NRXN3: variants seen among roughly 807,000 people sequenced by gnomAD.
NRXN3 encodes neurexin 3, also known as neurexin III.
In NRXN3, 32 loss-of-function variants were observed where a neutral mutation model predicts 137.6. That is an observed-to-expected ratio of 0.23 (90% CI 0.18 to 0.31). The LOEUF is 0.31. Ranked by LOEUF, NRXN3 falls within the 10% of genes least tolerant of loss-of-function variation. The pLI, the probability that NRXN3 is intolerant of heterozygous loss-of-function variation, is 1.00. For missense variants in NRXN3, 1,574 were observed against 2,062.5 expected (o/e 0.76, Z 4.59); for synonymous variants, 798 against 784.5 (o/e 1.02, Z -0.29).
At chr14:78,332,073 G>C (rs1369831056) in intron 4 of NRXN3, among the ~76,000 whole-genome samples, 1 of 152,156 alleles carries the variant, frequency 6.6e-6, no homozygotes, top group Non-Finnish European at 1.5e-5. Context: ...CTTTGGGCAA[G>C]TCATTTAACC....
At chr14:79,122,313 C>T (rs2055588972) in intron 15 of NRXN3, among the ~76,000 whole-genome samples, 1 of 152,120 alleles carries the variant, frequency 6.6e-6, no homozygotes, top group Admixed American at 6.5e-5. Context: ...TCACTGCAGG[C>T]TGAGGGAAGC....
At chr14:78,982,062 C>A (rs1252792537) in intron 14 of NRXN3, among the ~76,000 whole-genome samples, 2 of 152,030 alleles carry the variant, frequency 1.3e-5, no homozygotes, top group Non-Finnish European at 2.9e-5. Context: ...AGTCTGAAAT[C>A]AAAGGACACA....
At chr14:79,019,298 G>T (rs920772260) in intron 15 of NRXN3, among the ~76,000 whole-genome samples, 9 of 152,146 alleles carry the variant, frequency 5.9e-5, no homozygotes, top group African/African-American at 9.7e-5. Context: ...TCCATTAAAG[G>T]CAACTGCTCT....
intron 6 of NRXN3, among the ~76,000 whole-genome samples, chr14:78,657,846 T>TA (rs59464530): frequency 7.9e-5 from 12 of 152,208 alleles, no homozygotes; most frequent in African/African-American, 2.4e-4. Flanking sequence ...TTTTCTTCTT[T>TA]AAAAAAAATA....
intron 16 of NRXN3, among the ~76,000 whole-genome samples, chr14:79,480,002 A>T (rs1164384640): frequency 6.6e-6 from 1 of 152,200 alleles, no homozygotes; most frequent in Non-Finnish European, 1.5e-5. Flanking sequence ...ACTCTTGATT[A>T]AAAACGCTAA....
intron 15 of NRXN3, among the ~76,000 whole-genome samples, chr14:79,090,201 C>T (rs1252837710): frequency 6.6e-6 from 1 of 152,088 alleles, no homozygotes; most frequent in African/African-American, 2.4e-5. Context: ...TGATAATACT[C>T]ATCCCCTTAT....
chr14:78,951,283 A>C (rs1011640551), intron 10 of NRXN3, among the ~76,000 whole-genome samples: 1 of 152,150 alleles, frequency 6.6e-6, no homozygotes. Flanking sequence ...AGCTTCCAGT[A>C]TGTGTTGAAG....
chr14:78,215,977 A>T (rs2063234679), intron 1 of NRXN3, among the ~76,000 whole-genome samples: 1 of 152,228 alleles, frequency 6.6e-6, no homozygotes, highest in African/African-American at 2.4e-5. Flanking sequence ...TAATGATAAC[A>T]TGGGGAATTT....
intron 14 of NRXN3, 116 bp from the exon 15 acceptor site, chr14:78,987,906 T>C: frequency 8.3e-7 from 1 of 1,208,322 alleles, no homozygotes; most frequent in Non-Finnish European, 1.1e-6. Flanking sequence ...GTGGTGTGTC[T>C]TCAAATGTTT....
At chr14:79,163,121 A>G (rs1334831007) in intron 15 of NRXN3, among the ~76,000 whole-genome samples, 1 of 151,942 alleles carries the variant, frequency 6.6e-6, no homozygotes, top group African/African-American at 2.4e-5. Flanking sequence ...AGAACCTGAT[A>G]AGTGGTGGAC....
intron 15 of NRXN3, among the ~76,000 whole-genome samples, chr14:79,335,205 T>C (rs2092151759): frequency 6.6e-6 from 1 of 152,060 alleles, no homozygotes; most frequent in African/African-American, 2.4e-5. Context: ...TATGTTACAG[T>C]ATAAAGATTT....
intron 4 of NRXN3, among the ~76,000 whole-genome samples, chr14:78,303,180 C>T (rs896344725): frequency 6.6e-6 from 1 of 152,198 alleles, no homozygotes; most frequent in Non-Finnish European, 1.5e-5. Context: ...TTCTGTTTCT[C>T]TACCTTTTAA....
At chr14:78,751,358 A>G (rs2098640993) in intron 8 of NRXN3, among the ~76,000 whole-genome samples, 2 of 152,178 alleles carry the variant, frequency 1.3e-5, no homozygotes, top group Admixed American at 1.3e-4. Context: ...ATTAATTACA[A>G]ATTGCCCCCC....
At chr14:78,489,004 G>T (rs74413149) in intron 4 of NRXN3, among the ~76,000 whole-genome samples, 14 of 152,156 alleles carry the variant, frequency 9.2e-5, no homozygotes, top group Non-Finnish European at 1.9e-4. Context: ...ACTCCCAGCT[G>T]CTTCTAAGAA....
intron 4 of NRXN3, among the ~76,000 whole-genome samples, chr14:78,424,490 G>C (rs539107029): frequency 6.6e-6 from 1 of 152,294 alleles, no homozygotes; most frequent in African/African-American, 2.4e-5. Flanking sequence ...TCCCACTGTG[G>C]CTTTTGATCA....
intron 15 of NRXN3, among the ~76,000 whole-genome samples, chr14:79,033,435 G>A (rs2099610977): frequency 6.6e-6 from 1 of 152,078 alleles, no homozygotes; most frequent in African/African-American, 2.4e-5. Context: ...CCAAATATCT[G>A]CATGTTAGAG....
At chr14:78,805,967 A>AT (rs766290619) in intron 9 of NRXN3, among the ~76,000 whole-genome samples, 4 of 151,792 alleles carry the variant, frequency 2.6e-5, no homozygotes, top group Non-Finnish European at 5.9e-5. Context: ...TACATCCCAC[A>AT]TGCATTTCTA....
chr14:78,374,449 C>G (rs915240290), intron 4 of NRXN3, among the ~76,000 whole-genome samples: 2 of 152,068 alleles, frequency 1.3e-5, no homozygotes, highest in Non-Finnish European at 2.9e-5. Flanking sequence ...TGTCATATGA[C>G]GGTTTATAAT....
chr14:78,280,692 T>C (rs1003075940), intron 3 of NRXN3, among the ~76,000 whole-genome samples: 1 of 152,170 alleles, frequency 6.6e-6, no homozygotes, highest in Admixed American at 6.5e-5. Context: ...AAGGGGCATC[T>C]TTTTCTAGTG....
Sources: allele counts gnomAD v4.1 joint callset (sites outside exome capture counted in the v4.1 genomes callset), GRCh38; gene constraint gnomAD v4.1.1; transcripts MANE v1.5; gene names NCBI Gene and HGNC (gene_info 2026-07-23, HGNC 2026-07-21).